TTYH2: variants seen among roughly 807,000 people sequenced by gnomAD.
TTYH2 encodes tweety family member 2.
In TTYH2, 49 loss-of-function variants were observed where a neutral mutation model predicts 68.3. The observed-to-expected ratio is 0.72, with a 90% CI of 0.57 to 0.91. TTYH2 has a LOEUF of 0.91. TTYH2 is among the 40% of genes least tolerant of loss of function. The probability of loss-of-function intolerance (pLI) is 0.00; values close to 1 mark genes in which losing one functional copy is unlikely to be tolerated. For synonymous variants in TTYH2, 272 were observed against 300.8 expected, an observed-to-expected ratio of 0.90 and a Z score of 0.99; for missense variants, 631 against 700.4, an observed-to-expected ratio of 0.90 and a Z score of 1.12.
At chr17:74,237,988 A>G (rs2050460882) in intron 4 of TTYH2, among the ~76,000 whole-genome samples, 1 of 152,204 alleles carries the variant, frequency 6.6e-6, no homozygotes, top group Admixed American at 6.5e-5. Flanking sequence ...GGGGGCTTAC[A>G]GGGGCCACGT....
intron 10 of TTYH2, chr17:74,251,883 C>G (rs1235652032): frequency 3.4e-6 from 1 of 293,474 alleles, no homozygotes; most frequent in Non-Finnish European, 6.5e-6. Flanking sequence ...AGCCTGTCCC[C>G]TTTGCCCCCT....
intron 6 of TTYH2, among the ~76,000 whole-genome samples, chr17:74,245,380 G>A (rs575831115): frequency 1.3e-5 from 2 of 152,360 alleles, no homozygotes; most frequent in South Asian, 4.1e-4. Context: ...CTGGGGCCAG[G>A]GCCACGCACA....
chr17:74,222,611 TCCTGCTGCATCACCTGGACGG>T lies in TTYH2; in HGVS notation c.259_279del (p.Cys87_Ala93del). 1 of 1,611,810 alleles carries T rather than the reference TCCTGCTGCATCACCTGGACGG, an allele frequency of 6.2e-7. No individual in the cohort carries two copies. The highest frequency in any genetic ancestry group is 1.1e-5 in the South Asian group (1 of 91,074). ...TGCGGTGCAGACCAAGCAGCACCAC[TCCTGCTGCATCACCTGGACGG>T]CCGTGGTGGCCGGGCTCATCTGCTG... On this transcript the variant is annotated inframe_deletion, in exon 2 of 14. Transcript: ENST00000269346. This position sits in a 1 kb window ranked among gnomAD's most constrained non-coding sequence, Gnocchi z 5.2.
chr17:74,233,788 G>A (rs2050413967), intron 3 of TTYH2, among the ~76,000 whole-genome samples: 1 of 152,132 alleles, frequency 6.6e-6, no homozygotes, highest in Admixed American at 6.5e-5. Flanking sequence ...GTCTAGGGGA[G>A]TAGAGAGGAG....
chr17:74,253,637 G>C (rs2050660773), intron 12 of TTYH2, 118 bp from the exon 13 acceptor site: 1 of 941,582 alleles, frequency 1.1e-6, no homozygotes, highest in African/African-American at 1.6e-5. Flanking sequence ...CACTCTATCT[G>C]TGGTTTGGTT....
chr17:74,260,554 C>A lies in TTYH2; in HGVS notation c.*345C>A. On this transcript the variant is annotated 3_prime_UTR_variant, in exon 14 of 14. Transcript: ENST00000269346. Reference sequence around the variant, plus strand: ...GTGAGGAGGGGGCCAGGTCAGGCACCACCATCAAGAGAGCTGTGTGTTCTC... The same window carrying A: ...GTGAGGAGGGGGCCAGGTCAGGCACAACCATCAAGAGAGCTGTGTGTTCTC... 1 of 339,180 alleles carries A rather than the reference C, an allele frequency of 2.9e-6. No individual in the cohort carries two copies. Among genetic ancestry groups the A allele is most frequent in the Non-Finnish European group, 5.7e-6 (1 of 175,136 alleles). The allele number at this position is 339,180 out of a possible 1,614,324, so 21.0% of individuals were successfully genotyped here. A position where few individuals can be genotyped will look rare whatever the true frequency, so the allele number is the denominator to read the frequency against.
intron 13 of TTYH2, among the ~76,000 whole-genome samples, chr17:74,257,669 G>C (rs758906484): frequency 1.3e-5 from 2 of 152,162 alleles, no homozygotes; most frequent in African/African-American, 4.8e-5. Flanking sequence ...TGCCTTCAAG[G>C]AATAATCTCT....
chr17:74,259,249 G>T (rs1026356406), intron 13 of TTYH2, among the ~76,000 whole-genome samples: 2 of 152,020 alleles, frequency 1.3e-5, no homozygotes, highest in African/African-American at 4.8e-5. Context: ...TCGCTCCGTT[G>T]CCCAGGGTGA....
chr17:74,223,414 C>T (rs1174159604), intron 2 of TTYH2, among the ~76,000 whole-genome samples: 1 of 152,168 alleles, frequency 6.6e-6, no homozygotes, highest in African/African-American at 2.4e-5. Context: ...GCGTGAGGCA[C>T]TACACCTGGG....
chr17:74,245,642 C>T (rs1415251242), intron 6 of TTYH2, among the ~76,000 whole-genome samples: 1 of 152,240 alleles, frequency 6.6e-6, no homozygotes, highest in Non-Finnish European at 1.5e-5. Flanking sequence ...TCCCTAATTC[C>T]TCTAGTCAGG....
chr17:74,244,032 G>C lies in TTYH2; in HGVS notation c.787G>C (p.Asp263His), dbSNP rs1002462028. ...CCTCAGTTGGGCATCCCTGGCCGCTGATGGCTCTGCGGCAGTGGTGAGTTG... is the reference window on the plus strand; with the variant it reads ...CCTCAGTTGGGCATCCCTGGCCGCTCATGGCTCTGCGGCAGTGGTGAGTTG... ...LLLSWASLAA[D>H]GSAAVATSDF... The change falls in exon 6 of 14, where the codon GAT becomes CAT. Residue 263 changes from aspartate to histidine, a missense_variant. Transcript: ENST00000269346. 1 of 1,611,970 alleles carries C rather than the reference G, an allele frequency of 6.2e-7. No individual in the cohort carries two copies. Among genetic ancestry groups the C allele is most frequent in the Admixed American group, 1.7e-5 (1 of 60,002 alleles).
rs375914214 is a variant in TTYH2 at position 74,249,324 on chromosome 17, G to A, written c.875-20G>A. On this transcript the variant is annotated intron_variant, in intron 7 of 13. Coordinates refer to ENST00000269346, the MANE Select transcript of TTYH2 (RefSeq NM_032646.6). ...TCTGGTCATTTGTGAGCTGCCTAAC[G>A]TTATGCCGTTGCCCTGCAGAGGTGA... is the stretch of plus-strand genomic sequence containing the variant. 17 of 1,613,962 alleles carry A rather than the reference G, an allele frequency of 1.1e-5. No homozygotes were observed. Among genetic ancestry groups the A allele is most frequent in the South Asian group, 2.2e-5 (2 of 91,086 alleles).
At chr17:74,250,140 C>A in intron 9 of TTYH2, 112 bp downstream of exon 9, 1 of 1,472,538 alleles carries the variant, frequency 6.8e-7, no homozygotes, top group Non-Finnish European at 9.3e-7. Context: ...TCTCTGTTCT[C>A]CCGCCCCCGT....
At chr17:74,229,945 A>G (rs1026281351) in intron 2 of TTYH2, among the ~76,000 whole-genome samples, 8 of 152,184 alleles carry the variant, frequency 5.3e-5, no homozygotes, top group Non-Finnish European at 2.9e-5. Flanking sequence ...AGCCTGGCCA[A>G]CATGGTGAAA....
intron 2 of TTYH2, among the ~76,000 whole-genome samples, chr17:74,228,925 C>T (rs2050359523): frequency 6.6e-6 from 1 of 152,150 alleles, no homozygotes; most frequent in Non-Finnish European, 1.5e-5. Context: ...GACACCTGCC[C>T]ACTTGGAGAG....
chr17:74,213,606 G>C lies in TTYH2; in HGVS notation c.19G>C (p.Asp7His), dbSNP rs368446841. ...CCGAGCCATGCAGGCGGCGCGCGTG[G>C]ACTACATCGCTCCCTGGTGGGTCGT... is the stretch of plus-strand genomic sequence containing the variant. MQAARV[D>H]YIAPWWVVWL... Residue 7 changes from aspartate (D) to histidine (H), a missense_variant, in exon 1 of 14, where the codon GAC becomes CAC. Asp to His is a moderately conservative substitution (Grantham distance 81). Coordinates refer to ENST00000269346, the MANE Select transcript of TTYH2 (RefSeq NM_032646.6). This position sits in a 1 kb window ranked among gnomAD's most constrained non-coding sequence, Gnocchi z 6.1. The C allele has an allele frequency of 6.2e-6, 10 of 1,610,536 alleles. No homozygotes were observed. The highest frequency in any genetic ancestry group is 6.8e-6 in the Non-Finnish European group (8 of 1,178,912).
At chr17:74,235,905 A>C (rs555409696) in intron 3 of TTYH2, among the ~76,000 whole-genome samples, 151 of 152,144 alleles carry the variant, frequency 9.9e-4, no homozygotes, top group South Asian at 3.1e-3. Flanking sequence ...CAAAAAAAAA[A>C]AAAAAACAAA....
At chr17:74,237,246 G>A (rs766360362) in intron 3 of TTYH2, 48 bp from the exon 4 acceptor site, 2 of 1,589,286 alleles carry the variant, frequency 1.3e-6, no homozygotes, top group Non-Finnish European at 1.7e-6. Context: ...TCCGGGATGA[G>A]AATCAGAAGC....
chr17:74,243,787 G>A (rs1372181506), intron 5 of TTYH2, among the ~76,000 whole-genome samples, 190 bp from the exon 6 acceptor site: 2 of 152,140 alleles, frequency 1.3e-5, no homozygotes, highest in Non-Finnish European at 2.9e-5. Flanking sequence ...GTGCTCTCAC[G>A]CCTGGGTCTC....
Sources: allele counts gnomAD v4.1 joint callset (sites outside exome capture counted in the v4.1 genomes callset), GRCh38; gene constraint gnomAD v4.1.1; non-coding constraint Gnocchi (gnomAD v3.1); transcripts MANE v1.5; gene names NCBI Gene and HGNC (gene_info 2026-07-23, HGNC 2026-07-21).